Variants in CAMK1G observed in about 807,000 individuals in gnomAD.
CAMK1G encodes the protein calcium/calmodulin dependent protein kinase IG.
A neutral mutation model predicts 54.8 loss-of-function variants in CAMK1G; 27 were observed. That is an observed-to-expected ratio of 0.49 (90% confidence interval 0.36 to 0.68). The LOEUF is 0.68. CAMK1G is among the 30% of genes least tolerant of loss of function. The pLI is 0.00. For synonymous variants in CAMK1G, 238 were observed against 224.9 expected (o/e 1.06, Z -0.52); for missense variants, 512 against 591.0 (o/e 0.87, Z 1.39).
Position 209,611,983 on chromosome 1 carries a change from C to T in CAMK1G, c.1107C>T (p.Ala369=). 1 of 1,614,260 alleles carries T rather than the reference C, an allele frequency of 6.2e-7. No individual in the cohort carries two copies. The highest frequency in any genetic ancestry group is 1.6e-4 in the Middle Eastern group (1 of 6,062). Residue 369 remains alanine (A), a synonymous_variant, in exon 11 of 13, where the codon GCC becomes GCT. Coordinates refer to ENST00000361322, the MANE Select transcript of CAMK1G (RefSeq NM_020439.3). ...PVLDHSVALP[A]LTQLPCQHGR... ...TGGACCACAGTGTAGCACTCCCTGC[C>T]CTGACCCAATTACCCTGCCAGCATG...
chr1:209,608,309 C>T (rs1328494131), intron 7 of CAMK1G, among the ~76,000 whole-genome samples: 2 of 152,168 alleles, frequency 1.3e-5, no homozygotes, highest in Non-Finnish European at 2.9e-5. Context: ...CAGGTGGACC[C>T]TCTGTTCCTA....
Position 209,611,516 on chromosome 1 carries a change from C to T in CAMK1G, c.879C>T (p.Leu293=). The change falls in exon 10 of 13, where the codon CTC becomes CTT. Residue 293 remains leucine, a synonymous_variant. Coordinates refer to ENST00000361322, the MANE Select transcript of CAMK1G (RefSeq NM_020439.3). ...LHRDIYPSVS[L]QIQKNFAKSK... ...GGGACATCTACCCATCAGTCAGCCT[C>T]CAGATCCAGAAGAACTTTGCTAAGA... 6.2e-7 allele frequency: 1 copy of T among 1,614,208 alleles called. No individual in the cohort carries two copies. The highest frequency in any genetic ancestry group is 8.5e-7 in the Non-Finnish European group (1 of 1,180,040).
rs111926441 is a variant in CAMK1G, at chr1:209,597,951, T to G, written c.93-2032T>G. Among the ~76,000 whole-genome samples, 752 of 152,316 alleles carry G rather than the reference T, an allele frequency of 4.9e-3. 5 individuals carry two copies. Among genetic ancestry groups the G allele is most frequent in the African/African-American group, 0.017 (704 of 41,574 alleles). ...TAGATGTCAGAAACACTTTTAAGCT[T>G]TTTACATATATCAAGTCATTTAATC... is the stretch of plus-strand genomic sequence containing the variant. On this transcript the variant is annotated intron_variant, in intron 2 of 12. Coordinates refer to ENST00000361322, the MANE Select transcript of CAMK1G (RefSeq NM_020439.3).
chr1:209,588,084 C>G (rs1571770179), intron 1 of CAMK1G, among the ~76,000 whole-genome samples: 2 of 152,334 alleles, frequency 1.3e-5, no homozygotes, highest in African/African-American at 4.8e-5. Flanking sequence ...GGCTCTGAGC[C>G]TGCTCACTAT....
chr1:209,603,309 T>G, intron 4 of CAMK1G, 21 bp downstream of exon 4: 2 of 1,602,568 alleles, frequency 1.2e-6, no homozygotes, highest in Non-Finnish European at 1.7e-6. Flanking sequence ...GGTGACTTGC[T>G]TCCTTCACAG....
intron 3 of CAMK1G, 88 bp from the exon 4 acceptor site, chr1:209,603,126 T>G (rs973939500): frequency 1.6e-6 from 2 of 1,279,048 alleles, no homozygotes; most frequent in Admixed American, 3.7e-5. Flanking sequence ...ATCAAAAGCC[T>G]CCAACAGAAA....
At position 209,606,444 on chromosome 1, in the gene CAMK1G, G is replaced by T; in HGVS notation, c.559+1G>T. The T allele has an allele frequency of 6.2e-7, 1 of 1,613,632 alleles. No individual in the cohort carries two copies. The highest frequency in any genetic ancestry group is 8.5e-7 in the Non-Finnish European group (1 of 1,179,738). ...GCCTGTGGGACCCCAGGCTACGTGG[G>T]TAAGTCTGGGAGCAGGAGGAAGGTT... is the stretch of plus-strand genomic sequence containing the variant. On this transcript the variant is annotated splice_donor_variant, in intron 6 of 12. Transcript: ENST00000361322. LOFTEE classifies it high-confidence loss of function.
intron 4 of CAMK1G, among the ~76,000 whole-genome samples, chr1:209,604,095 A>G (rs1665590465): frequency 6.6e-6 from 1 of 152,218 alleles, no homozygotes; most frequent in African/African-American, 2.4e-5. Context: ...CCACTCTGCA[A>G]TCTCAGCGTG....
chr1:209,589,332 T>C (rs570323950), intron 1 of CAMK1G, among the ~76,000 whole-genome samples: 2 of 152,248 alleles, frequency 1.3e-5, no homozygotes, highest in South Asian at 4.2e-4. Flanking sequence ...CCTGAAATTA[T>C]GATGACAAGA....
At chr1:209,587,125 A>C (rs1476184017) in intron 1 of CAMK1G, among the ~76,000 whole-genome samples, 1 of 151,984 alleles carries the variant, frequency 6.6e-6, no homozygotes, top group Non-Finnish European at 1.5e-5. Flanking sequence ...CTCTCCAGCC[A>C]GAAGCTTCCT....
chr1:209,608,928 T>C, intron 7 of CAMK1G, 52 bp from the exon 8 acceptor site: 1 of 1,607,482 alleles, frequency 6.2e-7, no homozygotes. Flanking sequence ...AGAGGCTGGC[T>C]CAGGGAGGAC....
At chr1:209,606,149 G>A (rs1419693696) in intron 5 of CAMK1G, among the ~76,000 whole-genome samples, 171 bp from the exon 6 acceptor site, 1 of 152,164 alleles carries the variant, frequency 6.6e-6, no homozygotes, top group African/African-American at 2.4e-5. Context: ...GACTACTGGG[G>A]TGCAGGTGTG....
chr1:209,602,305 G>A (rs1665550341), intron 3 of CAMK1G, among the ~76,000 whole-genome samples: 1 of 152,072 alleles, frequency 6.6e-6, no homozygotes, highest in Non-Finnish European at 1.5e-5. Context: ...TCAAGATATT[G>A]CCAAATGTTC....
chr1:209,585,722 C>A (rs1015266889), intron 1 of CAMK1G, among the ~76,000 whole-genome samples: 1 of 152,240 alleles, frequency 6.6e-6, no homozygotes, highest in Non-Finnish European at 1.5e-5. Context: ...AAGAGGAGAG[C>A]GCCTCCCTCG....
chr1:209,608,923 C>A, intron 7 of CAMK1G, 57 bp from the exon 8 acceptor site: 1 of 1,603,680 alleles, frequency 6.2e-7, no homozygotes, highest in Non-Finnish European at 8.5e-7. Flanking sequence ...AGCAGAGAGG[C>A]TGGCTCAGGG....
intron 1 of CAMK1G, among the ~76,000 whole-genome samples, chr1:209,590,605 G>A (rs1030010740): frequency 7.9e-5 from 12 of 152,174 alleles, no homozygotes; most frequent in African/African-American, 2.9e-4. Context: ...CTGGAGAACA[G>A]GCCGTCATTC....
In CAMK1G at chr1:209,611,548, G is replaced by T. The variant is rs377745870; in HGVS notation, c.911G>T (p.Trp304Leu). 1 of 1,613,690 alleles carries T rather than the reference G, an allele frequency of 6.2e-7. No individual in the cohort carries two copies. Among genetic ancestry groups the T allele is most frequent in the Non-Finnish European group, 8.5e-7 (1 of 1,179,592 alleles). ...QIQKNFAKSKWRQAFNAAAVV... is the reference protein window; with the variant it reads ...QIQKNFAKSKLRQAFNAAAVV... ...CAGAAGAACTTTGCTAAGAGCAAGT[G>T]GAGGGTAAGCTGTCCTCTCCAGGGG... The change falls in exon 10 of 13, where the codon TGG becomes TTG. Residue 304 changes from tryptophan to leucine, a missense_variant. By Grantham distance (61) the Trp-to-Leu change is moderately conservative. Transcript: ENST00000361322.
intron 2 of CAMK1G, among the ~76,000 whole-genome samples, chr1:209,596,659 CACCACA>C (rs1030603870): frequency 9.6e-5 from 12 of 124,954 alleles, no homozygotes; most frequent in South Asian, 3.3e-4. Flanking sequence ...ATCACACACA[CACCACA>C]CACACACACA....
intron 8 of CAMK1G, 134 bp from the exon 9 acceptor site, chr1:209,609,717 C>T: frequency 3.5e-6 from 3 of 846,034 alleles, no homozygotes; most frequent in South Asian, 1.6e-5. Context: ...TTTTCCTCTT[C>T]TAAGACTCTT....
Sources: gnomAD v4.1 joint callset for allele counts (sites outside exome capture counted in the v4.1 genomes callset) on GRCh38, gnomAD v4.1.1 for gene constraint, MANE v1.5 for transcripts, NCBI Gene and HGNC (gene_info 2026-07-23, HGNC 2026-07-21) for gene names.